Variants in FGD4 observed in about 807,000 individuals in gnomAD.
The protein encoded by FGD4 is FYVE, RhoGEF and PH domain-containing protein 4.
A neutral mutation model predicts 102.0 loss-of-function variants in FGD4; 42 were observed. That is an observed-to-expected ratio of 0.41 (90% confidence interval 0.32 to 0.53). The LOEUF is 0.53. Ranked by LOEUF, FGD4 falls within the 20% of genes least tolerant of loss-of-function variation. The pLI, the probability that FGD4 is intolerant of heterozygous loss-of-function variation, is 0.21. For synonymous variants in FGD4, 380 were observed against 375.7 expected (o/e 1.01, Z -0.13); for missense variants, 902 against 1,078.2 (o/e 0.84, Z 2.29).
At position 32,640,646 on chromosome 12, in the gene FGD4, A is replaced by C; in HGVS notation, c.*113A>C. 4 of 1,428,320 alleles carry C rather than the reference A, an allele frequency of 2.8e-6. No individual in the cohort carries two copies. The highest frequency in any genetic ancestry group is 3.9e-6 in the Non-Finnish European group (4 of 1,031,364). The allele number at this position is 1,428,320 out of a possible 1,614,324, so 88.5% of individuals were successfully genotyped here. A position where few individuals can be genotyped will look rare whatever the true frequency, so the allele number is the denominator to read the frequency against. On this transcript the variant is annotated 3_prime_UTR_variant, in exon 17 of 17. Transcript: ENST00000534526. ...TATGTTGAAAAATATAGGCCCATAA[A>C]TGCATCTTTTGAGGACTATTTTCCT...
chr12:32,500,022 A>C (rs1044003383), intron 1 of FGD4, among the ~76,000 whole-genome samples: 1 of 152,328 alleles, frequency 6.6e-6, no homozygotes, highest in South Asian at 2.1e-4. Flanking sequence ...AAAAACAAAA[A>C]AATCTTGTAT....
chr12:32,623,802 T>G (rs145009758), intron 11 of FGD4, among the ~76,000 whole-genome samples: 1 of 152,212 alleles, frequency 6.6e-6, no homozygotes, highest in African/African-American at 2.4e-5. Flanking sequence ...TCAAAGAAAT[T>G]TGTTTTCTAA....
intron 15 of FGD4, among the ~76,000 whole-genome samples, chr12:32,634,341 T>C (rs1221024849): frequency 6.6e-6 from 1 of 152,232 alleles, no homozygotes; most frequent in African/African-American, 2.4e-5. Context: ...ATAAAAGTGC[T>C]ATTACCTGAC....
At chr12:32,514,686 T>C (rs539233433) in intron 1 of FGD4, among the ~76,000 whole-genome samples, 2 of 152,156 alleles carry the variant, frequency 1.3e-5, no homozygotes, top group African/African-American at 4.8e-5. Flanking sequence ...TAATTTTTTT[T>C]TTAACAGAAA....
intron 1 of FGD4, among the ~76,000 whole-genome samples, chr12:32,492,730 C>T (rs1472129837): frequency 6.6e-6 from 1 of 152,032 alleles, no homozygotes; most frequent in Non-Finnish European, 1.5e-5. Context: ...CAGGAGTCAT[C>T]TCTAGATGAT....
At chr12:32,452,138 A>G (rs989169606) in intron 1 of FGD4, among the ~76,000 whole-genome samples, 2 of 152,096 alleles carry the variant, frequency 1.3e-5, no homozygotes, top group African/African-American at 2.4e-5. Context: ...TCTTCTTTAC[A>G]TTTCCTTTTG....
chr12:32,480,689 C>CG (rs1943729570), intron 1 of FGD4, among the ~76,000 whole-genome samples: 1 of 151,496 alleles, frequency 6.6e-6, no homozygotes, highest in East Asian at 2.0e-4. Flanking sequence ...TTAGTAGAGA[C>CG]GGGGTTTCAC....
At chr12:32,543,175 T>A (rs980715588) in intron 1 of FGD4, among the ~76,000 whole-genome samples, 2 of 152,172 alleles carry the variant, frequency 1.3e-5, no homozygotes, top group African/African-American at 4.8e-5. Context: ...ATTTGCTTGT[T>A]TATTATAAAG....
chr12:32,628,670 T>C (rs1036013120), intron 14 of FGD4, among the ~76,000 whole-genome samples: 2 of 152,130 alleles, frequency 1.3e-5, no homozygotes, highest in East Asian at 3.9e-4. Context: ...TGGTGGTGCA[T>C]GCCTGTAATT....
At chr12:32,593,341 TC>T (rs1417850956) in intron 4 of FGD4, among the ~76,000 whole-genome samples, 2 of 152,224 alleles carry the variant, frequency 1.3e-5, no homozygotes, top group Non-Finnish European at 2.9e-5. Context: ...CTCATCTCCA[TC>T]CCAAAATCCC....
rs559920204 is a variant in FGD4 at position 32,506,912 on chromosome 12, G to A, written c.167-57225G>A. On this transcript the variant is annotated intron_variant, in intron 1 of 16. Transcript: ENST00000534526. The surrounding 1 kb of genome is among the most constrained non-coding windows in gnomAD (Gnocchi z 4.5). ...CTATGTTAAAGAGGGAGTTGAGGGT[G>A]GCAAACTTTATTTTTATTTATTTTT... Among the ~76,000 whole-genome samples the A allele has an allele frequency of 1.3e-3, 191 of 152,118 alleles. No homozygotes were observed. Among genetic ancestry groups the A allele is most frequent in the African/African-American group, 4.4e-3 (181 of 41,492 alleles).
chr12:32,555,032 C>T (rs983020977), intron 1 of FGD4, among the ~76,000 whole-genome samples: 1 of 152,156 alleles, frequency 6.6e-6, no homozygotes, highest in Non-Finnish European at 1.5e-5. Context: ...TCTCTCTGGT[C>T]CTGGTTTGAC....
At chr12:32,635,280 C>T (rs75940791) in intron 15 of FGD4, among the ~76,000 whole-genome samples, 2,737 of 152,172 alleles carry the variant, frequency 0.018, 78 homozygotes, top group African/African-American at 0.062. Flanking sequence ...GACTTAATAG[C>T]GACAACTGAT....
chr12:32,443,541 T>G (rs1321962306), intron 1 of FGD4, among the ~76,000 whole-genome samples: 6 of 148,490 alleles, frequency 4.0e-5, no homozygotes, highest in East Asian at 2.0e-4. Context: ...TAGGTTTTTT[T>G]TTTTTTTTTT....
Position 32,442,254 on chromosome 12 carries a change from C to G in FGD4, c.166+42295C>G, listed in dbSNP as rs572816174. On this transcript the variant is annotated intron_variant, in intron 1 of 16. Transcript: ENST00000534526. ...ATTTTTAGTAGAGACGGGGTTTCAC[C>G]GTGTTAGCCATGATGGTCTTGATCT... Among the ~76,000 whole-genome samples the G allele has an allele frequency of 4.6e-5, 7 of 151,994 alleles. No individual in the cohort carries two copies. In the South Asian group the frequency reaches 1.2e-3, roughly 27 times the overall value.
intron 2 of FGD4, among the ~76,000 whole-genome samples, chr12:32,566,828 T>C (rs1945227806): frequency 6.6e-6 from 1 of 152,208 alleles, no homozygotes; most frequent in African/African-American, 2.4e-5. Context: ...TGTTCCTGCC[T>C]CACTGCAAAT....
intron 15 of FGD4, among the ~76,000 whole-genome samples, chr12:32,636,011 CTAATAATAA>C (rs147444731): frequency 0.031 from 4,490 of 146,788 alleles, 105 homozygotes; most frequent in African/African-American, 0.07. Context: ...GACTCTGTCT[CTAATAATAA>C]TAATAATAAT....
chr12:32,586,247 A>G lies in FGD4; in HGVS notation c.1011+3780A>G, dbSNP rs1947022157. Among the ~76,000 whole-genome samples, 8 of 152,202 alleles carry G rather than the reference A, an allele frequency of 5.3e-5. 1 individual carries two copies. In the South Asian group the frequency reaches 1.2e-3, roughly 24 times the overall value. ...GAAGTTTAAAAAGTTTAAAAATCTT[A>G]AAAGGTTTTTAAAACCTTTTAAGTT... On this transcript the variant is annotated intron_variant, in intron 4 of 16. Transcript: ENST00000534526.
chr12:32,425,430 A>G (rs1419445197), intron 1 of FGD4, among the ~76,000 whole-genome samples: 1 of 152,120 alleles, frequency 6.6e-6, no homozygotes, highest in Non-Finnish European at 1.5e-5. Context: ...CTATTAGTCT[A>G]TATATCTGTT....
Sources: gnomAD v4.1 joint callset for allele counts (sites outside exome capture counted in the v4.1 genomes callset) on GRCh38, gnomAD v4.1.1 for gene constraint, Gnocchi (gnomAD v3.1) non-coding constraint, MANE v1.5 for transcripts, NCBI Gene and HGNC (gene_info 2026-07-23, HGNC 2026-07-21) for gene names.